The following EPHB2 variants were observed in gnomAD, a reference collection of about 807,000 sequenced individuals.
The protein encoded by EPHB2 is ephrin type-B receptor 2.
EPHB2 carries 18 observed loss-of-function variants against 96.4 expected under a neutral mutation model. The observed-to-expected ratio is 0.19, with a 90% CI of 0.13 to 0.28. EPHB2 has a LOEUF of 0.28. Ranked by LOEUF, EPHB2 falls within the 10% of genes least tolerant of loss-of-function variation. The probability of loss-of-function intolerance (pLI) is 1.00; values close to 1 mark genes in which losing one functional copy is unlikely to be tolerated. For synonymous variants in EPHB2, 506 were observed against 534.1 expected (o/e 0.95, Z 0.72); for missense variants, 989 against 1,355.4 (o/e 0.73, Z 4.25).
intron 1 of EPHB2, among the ~76,000 whole-genome samples, chr1:22,773,746 C>T (rs1644409860): frequency 6.6e-6 from 1 of 152,190 alleles, no homozygotes; most frequent in African/African-American, 2.4e-5. Flanking sequence ...AGGCCCTCCA[C>T]ATTCTGGCGC....
rs754403229 is a variant in EPHB2, at chr1:22,863,105, C to G, written c.880C>G (p.Arg294Gly). ...CTGTACCCACTGTCCCATCAACAGC[C>G]GGACCACTTCTGAAGGGGCCACCAA... Reference protein sequence around the residue: ...EACTHCPINSRTTSEGATNCV... With the variant: ...EACTHCPINSGTTSEGATNCV... Residue 294 changes from arginine (R) to glycine (G), a missense_variant, in exon 4 of 16, where the codon CGG (arginine) becomes GGG (glycine). Coordinates refer to ENST00000374630, the MANE Select transcript of EPHB2 (RefSeq NM_017449.5). 3.7e-6 allele frequency: 6 copies of G among 1,614,066 alleles called. No individual in the cohort carries two copies. Among genetic ancestry groups the G allele is most frequent in the Non-Finnish European group, 5.1e-6 (6 of 1,180,044 alleles).
rs1197687323 is a variant in EPHB2, at chr1:22,858,116, G to A, written c.812-4921G>A. 1.3e-5 allele frequency among the ~76,000 whole-genome samples: 2 copies of A among 152,170 alleles called. No individual in the cohort carries two copies. The highest frequency in any genetic ancestry group is 2.9e-5 in the Non-Finnish European group (2 of 68,034). On this transcript the variant is annotated intron_variant, in intron 3 of 15. Transcript: ENST00000374630. The surrounding 1 kb of genome is among the most constrained non-coding windows in gnomAD (Gnocchi z 7.7). ...GCTGGGGTCTGAAGGAGGAAAAGGA[G>A]CCAGCGACGGGAAGAGCAGGGAAAG...
rs145402929 is a variant in EPHB2, at chr1:22,770,690, C to T, written c.62-10731C>T. On this transcript the variant is annotated intron_variant, in intron 1 of 15. Transcript: ENST00000374630. ...TCAGCTCCTGGATCTGCTGTGTACT[C>T]GCTGTGTGATGTTGGGCAGGTTACT... 1.4e-3 allele frequency among the ~76,000 whole-genome samples: 220 copies of T among 152,278 alleles called. 2 individuals are homozygous for T. The highest frequency in any genetic ancestry group is 5.0e-3 in the African/African-American group (207 of 41,550).
At chr1:22,789,222 A>G (rs929242956) in intron 3 of EPHB2, among the ~76,000 whole-genome samples, 53 of 152,370 alleles carry the variant, frequency 3.5e-4, no homozygotes, top group African/African-American at 1.3e-3. Context: ...TCCCTGGGGC[A>G]GTGGAACATT....
intron 3 of EPHB2, among the ~76,000 whole-genome samples, chr1:22,813,012 A>G (rs1645024477): frequency 6.6e-6 from 1 of 152,134 alleles, no homozygotes; most frequent in Non-Finnish European, 1.5e-5. Context: ...GACATCTAGT[A>G]CCCTTTTAAT....
chr1:22,909,847 GA>G (rs1640036472), intron 13 of EPHB2, among the ~76,000 whole-genome samples: 1 of 152,230 alleles, frequency 6.6e-6, no homozygotes, highest in Admixed American at 6.5e-5. Context: ...GACAGGCTGA[GA>G]GGGGTGTTTG....
intron 1 of EPHB2, among the ~76,000 whole-genome samples, chr1:22,736,833 C>T (rs1285842497): frequency 1.3e-5 from 2 of 152,116 alleles, no homozygotes; most frequent in Non-Finnish European, 2.9e-5. Context: ...GAGCTTTGGG[C>T]CAATGGAGAC....
chr1:22,725,520 G>A (rs549364053), intron 1 of EPHB2, among the ~76,000 whole-genome samples: 2 of 151,944 alleles, frequency 1.3e-5, no homozygotes, highest in African/African-American at 2.4e-5. Flanking sequence ...ACTCCCTTTT[G>A]TATCTGGACT....
chr1:22,852,442 C>G (rs1315167187), intron 3 of EPHB2, among the ~76,000 whole-genome samples: 2 of 152,228 alleles, frequency 1.3e-5, no homozygotes, highest in African/African-American at 4.8e-5. Flanking sequence ...GGGAGCCACC[C>G]TGCAGGCAGA....
chr1:22,754,951 C>CAGGTGAGGT (rs1644125664), intron 1 of EPHB2, among the ~76,000 whole-genome samples: 1 of 12,888 alleles, frequency 7.8e-5, no homozygotes, highest in African/African-American at 3.0e-4. Flanking sequence ...GGAGGTGAGG[C>CAGGTGAGGT]GAGGGGCAGG....
At chr1:22,843,105 C>T (rs369554729) in intron 3 of EPHB2, among the ~76,000 whole-genome samples, 17 of 152,264 alleles carry the variant, frequency 1.1e-4, no homozygotes, top group African/African-American at 3.9e-4. Context: ...AGGATCCCTG[C>T]AAGGAGAAAT....
chr1:22,808,282 C>T (rs779957818), intron 3 of EPHB2, among the ~76,000 whole-genome samples: 1 of 152,238 alleles, frequency 6.6e-6, no homozygotes, highest in Non-Finnish European at 1.5e-5. Context: ...CATTTCTCAG[C>T]TCCTGCAGGA....
At chr1:22,881,294 A>G (rs999635933) in intron 5 of EPHB2, among the ~76,000 whole-genome samples, 1 of 152,116 alleles carries the variant, frequency 6.6e-6, no homozygotes, top group Non-Finnish European at 1.5e-5. Context: ...GCTACTCAGG[A>G]GACTGAGGTA....
chr1:22,793,288 G>A (rs1644721204), intron 3 of EPHB2, among the ~76,000 whole-genome samples: 1 of 152,172 alleles, frequency 6.6e-6, no homozygotes, highest in Admixed American at 6.5e-5. Context: ...TGTGGGAGCT[G>A]CCCAGATGCT....
At chr1:22,745,828 C>G (rs1381373294) in intron 1 of EPHB2, among the ~76,000 whole-genome samples, 1 of 152,142 alleles carries the variant, frequency 6.6e-6, no homozygotes, top group Non-Finnish European at 1.5e-5. Flanking sequence ...GCAGCGGGGC[C>G]TGGCGTCTGC....
At chr1:22,898,575 G>T (rs1317190684) in intron 9 of EPHB2, among the ~76,000 whole-genome samples, 1 of 152,186 alleles carries the variant, frequency 6.6e-6, no homozygotes, top group Non-Finnish European at 1.5e-5. Context: ...AGTGAAATGG[G>T]GAGCTGCTGG....
Position 22,909,489 on chromosome 1 carries a change from C to T in EPHB2, c.2502+318C>T, listed in dbSNP as rs150987078. 1.1e-4 allele frequency among the ~76,000 whole-genome samples: 16 copies of T among 152,348 alleles called. No individual in the cohort carries two copies. In the East Asian group the frequency reaches 3.1e-3, roughly 29 times the overall value. On this transcript the variant is annotated intron_variant, in intron 13 of 15. Coordinates refer to ENST00000374630, the MANE Select transcript of EPHB2 (RefSeq NM_017449.5). ...AGGTGTTCACCACCTAACTGGGGGA[C>T]AAGACGATTATTCAGGGAACCAGAT...
intron 3 of EPHB2, among the ~76,000 whole-genome samples, chr1:22,861,182 A>T (rs529237651): frequency 1.3e-5 from 2 of 152,342 alleles, no homozygotes; most frequent in East Asian, 3.9e-4. Context: ...GTCCCATTTT[A>T]CAGATAAGGA....
intron 1 of EPHB2, among the ~76,000 whole-genome samples, chr1:22,756,487 C>T (rs959324447): frequency 2.6e-5 from 4 of 152,162 alleles, no homozygotes; most frequent in East Asian, 1.9e-4. Flanking sequence ...TCCTTCCCTT[C>T]GCCCGTGGGC....
Sources: allele counts gnomAD v4.1 joint callset (sites outside exome capture counted in the v4.1 genomes callset), GRCh38; gene constraint gnomAD v4.1.1; non-coding constraint Gnocchi (gnomAD v3.1); transcripts MANE v1.5; gene names NCBI Gene and HGNC (gene_info 2026-07-23, HGNC 2026-07-21).